The following OLA1 variants were observed in gnomAD, a reference collection of about 807,000 sequenced individuals.
The protein encoded by OLA1 is Obg like ATPase 1.
OLA1 carries 14 observed loss-of-function variants against 48.4 expected under a neutral mutation model. The ratio of observed to expected loss-of-function variants is 0.29; its 90% CI spans 0.19 to 0.45. The LOEUF (loss-of-function observed/expected upper bound fraction) is 0.45, where lower values mean the gene tolerates loss of function less well. Among genes scored for constraint, OLA1 ranks in the 20% least tolerant of loss-of-function variants. The pLI is 1.00. For missense variants in OLA1, 325 were observed against 467.1 expected (o/e 0.70, Z 2.80); for synonymous variants, 127 against 150.4 (o/e 0.84, Z 1.14).
At chr2:174,126,841 A>T (rs1686056347) in intron 5 of OLA1, among the ~76,000 whole-genome samples, 1 of 152,200 alleles carries the variant, frequency 6.6e-6, no homozygotes, top group Non-Finnish European at 1.5e-5. Context: ...CCTTTAAAGC[A>T]TATGTATACT....
intron 3 of OLA1, among the ~76,000 whole-genome samples, chr2:174,226,163 C>A (rs960971501): frequency 2.7e-5 from 1 of 37,676 alleles, no homozygotes; most frequent in Non-Finnish European, 5.4e-5. Context: ...CCCGCCACTG[C>A]ACTCCAGCCT....
At chr2:174,081,306 T>C (rs1344787917) in intron 8 of OLA1, 58 bp from the exon 9 acceptor site, 1 of 1,273,154 alleles carries the variant, frequency 7.9e-7, no homozygotes. Flanking sequence ...CAGAAATTGG[T>C]ATAGAGCTAA....
intron 7 of OLA1, among the ~76,000 whole-genome samples, chr2:174,097,703 C>T (rs912038627): frequency 2.7e-5 from 4 of 148,240 alleles, no homozygotes; most frequent in African/African-American, 5.0e-5. Context: ...CCAGCCTGGG[C>T]GACAGAGTGA....
At chr2:174,176,778 T>A (rs1362692653) in intron 4 of OLA1, among the ~76,000 whole-genome samples, 1 of 152,194 alleles carries the variant, frequency 6.6e-6, no homozygotes, top group African/African-American at 2.4e-5. Context: ...AAACAATGCA[T>A]GTTTCTGCGA....
At chr2:174,083,155 T>C (rs1017623415) in intron 7 of OLA1, among the ~76,000 whole-genome samples, 3 of 152,154 alleles carry the variant, frequency 2.0e-5, no homozygotes, top group African/African-American at 7.2e-5. Context: ...AATTATGCTA[T>C]AGGCTTACAT....
chr2:174,193,486 A>T (rs1485983949), intron 4 of OLA1, among the ~76,000 whole-genome samples: 1 of 151,980 alleles, frequency 6.6e-6, no homozygotes, highest in African/African-American at 2.4e-5. Flanking sequence ...TTGTTATTGG[A>T]AGCTGATCCT....
intron 8 of OLA1, 134 bp downstream of exon 8, chr2:174,081,789 TG>T: frequency 1.2e-6 from 1 of 831,434 alleles, no homozygotes; most frequent in Non-Finnish European, 1.9e-6. Flanking sequence ...CTCTGTCTCA[TG>T]GTAAAGAAAG....
Position 174,185,487 on chromosome 2 carries a change from AT to A in OLA1, c.373+37545del, listed in dbSNP as rs1256607849. The stretch of plus-strand genomic sequence containing the variant: ...AACCACTGTCAACATTCGAATACTT[AT>A]TTTTTGAGACTTTTTTCCTATGAGC... On this transcript the variant is annotated intron_variant, in intron 4 of 10. Coordinates refer to ENST00000284719, the MANE Select transcript of OLA1 (RefSeq NM_013341.5). Among the ~76,000 whole-genome samples, 6 of 152,226 alleles carry A rather than the reference AT, an allele frequency of 3.9e-5. 1 individual carries two copies. The East Asian group carries it at 9.6e-4, about 24-fold the overall frequency.
chr2:174,166,735 T>C (rs1391621904), intron 4 of OLA1, among the ~76,000 whole-genome samples: 1 of 152,204 alleles, frequency 6.6e-6, no homozygotes, highest in African/African-American at 2.4e-5. Context: ...GTGAAAATCA[T>C]AACTATTATC....
At chr2:174,095,467 G>A (rs1362139753) in intron 7 of OLA1, among the ~76,000 whole-genome samples, 1 of 151,178 alleles carries the variant, frequency 6.6e-6, no homozygotes, top group African/African-American at 2.4e-5. Flanking sequence ...ATGCTTGTTG[G>A]CCACTTGTAT....
chr2:174,134,759 A>C (rs1686263158), intron 5 of OLA1, among the ~76,000 whole-genome samples: 1 of 152,232 alleles, frequency 6.6e-6, no homozygotes, highest in East Asian at 1.9e-4. Flanking sequence ...TGTATACTTA[A>C]AATGGTTAAT....
At chr2:174,142,228 T>C (rs181756872) in intron 4 of OLA1, among the ~76,000 whole-genome samples, 1 of 152,184 alleles carries the variant, frequency 6.6e-6, no homozygotes, top group Non-Finnish European at 1.5e-5. Flanking sequence ...TTTAAATAAA[T>C]AAAATTATGG....
chr2:174,244,936 T>A (rs1049362897), intron 2 of OLA1, among the ~76,000 whole-genome samples: 2 of 152,172 alleles, frequency 1.3e-5, no homozygotes, highest in African/African-American at 4.8e-5. Context: ...CCAGCCAATT[T>A]TTTAAAAAAA....
intron 2 of OLA1, among the ~76,000 whole-genome samples, chr2:174,243,088 T>A (rs73037873): frequency 0.45 from 68,521 of 151,752 alleles, 15,771 homozygotes; most frequent in African/African-American, 0.54. Context: ...AGCTCACTGA[T>A]ACCTCCGCCT....
At chr2:174,212,737 TACAC>T (rs1688271651) in intron 4 of OLA1, among the ~76,000 whole-genome samples, 3 of 152,156 alleles carry the variant, frequency 2.0e-5, no homozygotes, top group Admixed American at 6.5e-5. Flanking sequence ...AAGACACAAA[TACAC>T]ACAGTAGCCT....
intron 4 of OLA1, among the ~76,000 whole-genome samples, chr2:174,202,143 A>G (rs1276612031): frequency 1.3e-5 from 2 of 152,224 alleles, no homozygotes; most frequent in Non-Finnish European, 2.9e-5. Flanking sequence ...ACACTAGTCT[A>G]TCATCTACTA....
chr2:174,186,475 A>T (rs1451195209), intron 4 of OLA1, among the ~76,000 whole-genome samples: 1 of 152,190 alleles, frequency 6.6e-6, no homozygotes, highest in Non-Finnish European at 1.5e-5. Context: ...CACACAGTTT[A>T]TTCAGCATCC....
intron 4 of OLA1, among the ~76,000 whole-genome samples, chr2:174,164,722 T>C (rs1244517833): frequency 6.6e-6 from 1 of 152,192 alleles, no homozygotes; most frequent in Non-Finnish European, 1.5e-5. Context: ...GATTTGTTGT[T>C]CAGGCATTTA....
At chr2:174,175,097 G>A (rs1430643590) in intron 4 of OLA1, among the ~76,000 whole-genome samples, 1 of 151,928 alleles carries the variant, frequency 6.6e-6, no homozygotes, top group African/African-American at 2.4e-5. Context: ...CATGCCATAT[G>A]CAAAATTAAC....
Sources: gnomAD v4.1 joint callset for allele counts (sites outside exome capture counted in the v4.1 genomes callset) on GRCh38, gnomAD v4.1.1 for gene constraint, MANE v1.5 for transcripts, NCBI Gene and HGNC (gene_info 2026-07-23, HGNC 2026-07-21) for gene names.